Variants in MTSS1 observed in about 807,000 individuals in gnomAD.
The protein encoded by MTSS1 is MTSS I-BAR domain containing 1, also known as protein MTSS 1.
MTSS1 carries 18 observed loss-of-function variants against 79.0 expected under a neutral mutation model. The ratio of observed to expected loss-of-function variants is 0.23; its 90% CI spans 0.16 to 0.34. The LOEUF is 0.34. Ranked by LOEUF, MTSS1 falls within the 10% of genes least tolerant of loss-of-function variation. The pLI, the probability that MTSS1 is intolerant of heterozygous loss-of-function variation, is 1.00. For synonymous variants in MTSS1, 341 were observed against 368.6 expected (o/e 0.93, Z 0.86); for missense variants, 815 against 986.2 (o/e 0.83, Z 2.33).
intron 1 of MTSS1, among the ~76,000 whole-genome samples, chr8:124,724,138 AG>A (rs1833343027): frequency 6.6e-6 from 1 of 152,120 alleles, no homozygotes; most frequent in African/African-American, 2.4e-5. Flanking sequence ...CAAAGCAGTG[AG>A]GGGTAAAAAA....
intron 3 of MTSS1, among the ~76,000 whole-genome samples, chr8:124,697,314 C>T (rs1828995452): frequency 2.0e-5 from 3 of 151,072 alleles, no homozygotes; most frequent in Admixed American, 2.0e-4. Flanking sequence ...AATCCCAGCA[C>T]TATGGGAGGC....
At chr8:124,556,619 C>T (rs1415465809) in intron 11 of MTSS1, 5 of 583,440 alleles carry the variant, frequency 8.6e-6, no homozygotes, top group East Asian at 5.9e-5. Flanking sequence ...CCCTTTTCCT[C>T]GTCTCTGCCC....
At chr8:124,663,940 G>A (rs548745944) in intron 3 of MTSS1, among the ~76,000 whole-genome samples, 1 of 152,338 alleles carries the variant, frequency 6.6e-6, no homozygotes, top group Admixed American at 6.5e-5. Context: ...TGACACCTCA[G>A]TTCGAGTCTA....
intron 3 of MTSS1, among the ~76,000 whole-genome samples, chr8:124,685,159 A>G (rs997101859): frequency 2.0e-5 from 2 of 99,080 alleles, no homozygotes; most frequent in Non-Finnish European, 4.5e-5. Flanking sequence ...CACCACCTCC[A>G]TCTCCAGAAC....
chr8:124,565,597 G>C, intron 9 of MTSS1, 65 bp downstream of exon 9: 1 of 1,389,216 alleles, frequency 7.2e-7, no homozygotes, highest in South Asian at 1.2e-5. Flanking sequence ...TGGCTCCATT[G>C]CTCACATTAG....
chr8:124,633,222 CA>C (rs1222386488), intron 3 of MTSS1, among the ~76,000 whole-genome samples: 9 of 152,006 alleles, frequency 5.9e-5, no homozygotes, highest in Non-Finnish European at 8.8e-5. Flanking sequence ...TTTCTCCAGC[CA>C]AAGGGTTGTT....
chr8:124,623,565 T>G (rs1814029269), intron 3 of MTSS1, among the ~76,000 whole-genome samples: 1 of 152,228 alleles, frequency 6.6e-6, no homozygotes, highest in Non-Finnish European at 1.5e-5. Flanking sequence ...AACTGTCCAA[T>G]TTAAGCATTT....
chr8:124,565,901 T>C (rs983074433), intron 8 of MTSS1, 142 bp from the exon 9 acceptor site: 9 of 584,118 alleles, frequency 1.5e-5, no homozygotes, highest in Non-Finnish European at 2.7e-5. Flanking sequence ...AAATTTTTTT[T>C]AAATTGAAGA....
At chr8:124,605,963 ATTTTTTTTTTTT>A (rs35985246) in intron 3 of MTSS1, among the ~76,000 whole-genome samples, 2 of 106,002 alleles carry the variant, frequency 1.9e-5, no homozygotes, top group Admixed American at 2.0e-4. Flanking sequence ...TAGGTATCTC[ATTTTTTTTTTTT>A]TTTTTTTTTG....
chr8:124,661,871 T>A (rs529672840), intron 3 of MTSS1, among the ~76,000 whole-genome samples: 2 of 152,334 alleles, frequency 1.3e-5, no homozygotes, highest in South Asian at 4.1e-4. Flanking sequence ...TGACTCCCCT[T>A]AGACTATGAT....
At position 124,598,566 on chromosome 8, in the gene MTSS1, C is replaced by T. The variant is rs72714745; in HGVS notation, c.209-7331G>A. Among the ~76,000 whole-genome samples the T allele has an allele frequency of 1.2e-3, 190 of 152,334 alleles. 1 individual carries two copies. The highest frequency in any genetic ancestry group is 2.4e-3 in the Non-Finnish European group (163 of 68,032). On this transcript the variant is annotated intron_variant, in intron 3 of 13. Transcript: ENST00000518547. ...CACCAGTGGCCTCCCCGCAAACCCT[C>T]GCTGCAGAAGCTCTGAAAAGCTATT...
chr8:124,565,272 T>C (rs1318408540), intron 9 of MTSS1, among the ~76,000 whole-genome samples: 1 of 152,254 alleles, frequency 6.6e-6, no homozygotes, highest in Non-Finnish European at 1.5e-5. Flanking sequence ...AAGCCATTGT[T>C]ACTTCCTTCG....
intron 3 of MTSS1, among the ~76,000 whole-genome samples, chr8:124,633,163 CA>C (rs1361059181): frequency 2.0e-5 from 3 of 150,918 alleles, no homozygotes; most frequent in African/African-American, 7.4e-5. Flanking sequence ...ATTAAAATTA[CA>C]AAATTAAAAA....
intron 5 of MTSS1, among the ~76,000 whole-genome samples, chr8:124,587,633 G>A (rs1383363431): frequency 6.6e-6 from 1 of 152,148 alleles, no homozygotes; most frequent in Non-Finnish European, 1.5e-5. Context: ...CGAGTAGCTG[G>A]GATTACAGGC....
intron 10 of MTSS1, chr8:124,558,816 G>C: frequency 2.6e-6 from 4 of 1,566,092 alleles, no homozygotes; most frequent in Non-Finnish European, 3.4e-6. Flanking sequence ...TTCGGAGGAG[G>C]CCGAGCTGGA....
chr8:124,687,412 A>C (rs1195032680), intron 3 of MTSS1, among the ~76,000 whole-genome samples: 4 of 152,178 alleles, frequency 2.6e-5, no homozygotes, highest in African/African-American at 4.8e-5. Context: ...ATCCAAATGA[A>C]GTATCACTCT....
At position 124,555,940 on chromosome 8, in the gene MTSS1, TAGG is replaced by T. The variant is rs550581624; in HGVS notation, c.1405-39_1405-37del. ...GAGGAGAGAAATACACAGGTTGCTT[TAGG>T]GGGGGGGCTCAACAGCACTCCTGTT... On this transcript the variant is annotated intron_variant, in intron 12 of 13. Transcript: ENST00000518547. The T allele has an allele frequency of 1.1e-4, 173 of 1,579,658 alleles. 1 individual carries two copies. In the African/African-American group the frequency reaches 1.9e-3, roughly 18 times the overall value.
intron 6 of MTSS1, among the ~76,000 whole-genome samples, chr8:124,574,297 A>T (rs1304480057): frequency 6.6e-6 from 1 of 152,140 alleles, no homozygotes; most frequent in Non-Finnish European, 1.5e-5. Flanking sequence ...TCTGGAATGA[A>T]ATAAAGATCC....
intron 3 of MTSS1, among the ~76,000 whole-genome samples, chr8:124,662,935 G>C (rs1227016342): frequency 6.6e-6 from 1 of 152,104 alleles, no homozygotes; most frequent in Non-Finnish European, 1.5e-5. Context: ...CCAAGGGACC[G>C]AGACGTGACC....
Sources: allele counts gnomAD v4.1 joint callset (sites outside exome capture counted in the v4.1 genomes callset), GRCh38; gene constraint gnomAD v4.1.1; transcripts MANE v1.5; gene names NCBI Gene and HGNC (gene_info 2026-07-23, HGNC 2026-07-21).